DYNC1I1: variants seen among roughly 807,000 people sequenced by gnomAD.
DYNC1I1 encodes cytoplasmic dynein 1 intermediate chain 1.
Under a neutral mutation model 86.6 loss-of-function variants are expected in DYNC1I1, and 43 were observed. The observed-to-expected ratio is 0.50, with a 90% CI of 0.39 to 0.64. DYNC1I1 has a LOEUF of 0.64. DYNC1I1 is among the 30% of genes least tolerant of loss of function. DYNC1I1 has a pLI of 0.00. For synonymous variants in DYNC1I1, 262 were observed against 283.7 expected, an observed-to-expected ratio of 0.92 and a Z score of 0.77; for missense variants, 604 against 788.8, an observed-to-expected ratio of 0.77 and a Z score of 2.81.
chr7:95,816,627 G>A (rs1308218223), intron 4 of DYNC1I1, among the ~76,000 whole-genome samples: 3 of 141,400 alleles, frequency 2.1e-5, no homozygotes, highest in Non-Finnish European at 4.5e-5. Flanking sequence ...TAGTTTGAAG[G>A]GTTAGTTTTA....
chr7:96,007,756 T>C (rs942891317), intron 10 of DYNC1I1, among the ~76,000 whole-genome samples: 1 of 152,220 alleles, frequency 6.6e-6, no homozygotes, highest in Admixed American at 6.5e-5. Flanking sequence ...TACTGCCTAG[T>C]TCACACATAT....
At chr7:96,102,389 T>A (rs1791149139), downstream of DYNC1I1, among the ~76,000 whole-genome samples, 1 of 151,666 alleles carries the variant, frequency 6.6e-6, no homozygotes, top group South Asian at 2.1e-4. Context: ...CTCCAGAGGG[T>A]GGGAAATAAA....
intron 6 of DYNC1I1, among the ~76,000 whole-genome samples, chr7:95,902,319 C>A (rs1488810528): frequency 8.5e-5 from 13 of 152,056 alleles, no homozygotes; most frequent in South Asian, 8.3e-4. Context: ...GTCTAGGGAT[C>A]CATTTAGTTG....
chr7:95,955,498 T>G (rs1792687190), intron 6 of DYNC1I1, among the ~76,000 whole-genome samples: 1 of 152,038 alleles, frequency 6.6e-6, no homozygotes, highest in South Asian at 2.1e-4. Flanking sequence ...TTATTTTATT[T>G]ATTATTTTTA....
chr7:96,064,122 C>T (rs1789879166), intron 14 of DYNC1I1, among the ~76,000 whole-genome samples: 2 of 151,938 alleles, frequency 1.3e-5, no homozygotes, highest in Admixed American at 1.3e-4. Context: ...TGGATTCAGG[C>T]TTCTTTAGAG....
chr7:95,788,542 C>A (rs961329546), intron 1 of DYNC1I1, among the ~76,000 whole-genome samples: 5 of 152,158 alleles, frequency 3.3e-5, no homozygotes, highest in African/African-American at 1.2e-4. Context: ...AGGTGACTCT[C>A]CTACCAGACA....
chr7:95,848,214 T>TG (rs1377851876), intron 5 of DYNC1I1, among the ~76,000 whole-genome samples: 2 of 151,886 alleles, frequency 1.3e-5, no homozygotes, highest in East Asian at 3.9e-4. Flanking sequence ...AGTTGTTTTT[T>TG]TTTTTTTTTT....
chr7:95,854,313 GT>G (rs1789659386), intron 5 of DYNC1I1, among the ~76,000 whole-genome samples: 1 of 151,872 alleles, frequency 6.6e-6, no homozygotes, highest in South Asian at 2.1e-4. Context: ...TCTACTATAG[GT>G]TTTTGCTTTG....
chr7:95,931,070 G>A (rs1422582755), intron 6 of DYNC1I1, among the ~76,000 whole-genome samples: 1 of 152,086 alleles, frequency 6.6e-6, no homozygotes, highest in Admixed American at 6.5e-5. Context: ...AATGTCAGGT[G>A]AAATATTTTC....
At chr7:96,060,605 T>A (rs1789735385) in intron 14 of DYNC1I1, among the ~76,000 whole-genome samples, 1 of 152,156 alleles carries the variant, frequency 6.6e-6, no homozygotes, top group Non-Finnish European at 1.5e-5. Flanking sequence ...ATACCAAGTG[T>A]GAACCCTGAT....
At chr7:95,973,643 A>T (rs934277127) in intron 6 of DYNC1I1, among the ~76,000 whole-genome samples, 1 of 152,208 alleles carries the variant, frequency 6.6e-6, no homozygotes, top group Non-Finnish European at 1.5e-5. Context: ...TAGACATTGT[A>T]TCACAAACCT....
chr7:96,055,760 C>A (rs1409238272), intron 14 of DYNC1I1: 1 of 151,986 alleles, frequency 6.6e-6, no homozygotes, highest in Non-Finnish European at 1.5e-5. Flanking sequence ...TCTTCTTTTT[C>A]TTTCCAGAGT....
At chr7:95,934,684 C>T (rs1221704211) in intron 6 of DYNC1I1, among the ~76,000 whole-genome samples, 1 of 152,104 alleles carries the variant, frequency 6.6e-6, no homozygotes, top group Non-Finnish European at 1.5e-5. Flanking sequence ...AATATCATCA[C>T]ATGTATTATC....
intron 6 of DYNC1I1, among the ~76,000 whole-genome samples, chr7:95,906,492 A>G (rs2116326214): frequency 6.6e-6 from 1 of 151,708 alleles, no homozygotes; most frequent in East Asian, 2.0e-4. Context: ...GAGGGTCTTT[A>G]AAACACCACC....
At chr7:96,053,934 A>G (rs1789485503) in intron 14 of DYNC1I1, among the ~76,000 whole-genome samples, 1 of 152,244 alleles carries the variant, frequency 6.6e-6, no homozygotes, top group East Asian at 1.9e-4. Context: ...AAGAATAGAT[A>G]TAATAAGAAT....
chr7:95,986,572 G>C (rs1355307053), intron 8 of DYNC1I1, among the ~76,000 whole-genome samples: 2 of 152,142 alleles, frequency 1.3e-5, no homozygotes, highest in African/African-American at 4.8e-5. Flanking sequence ...ACTTACTATT[G>C]AGTGAGGAGG....
At chr7:95,816,344 C>T (rs796376696) in intron 4 of DYNC1I1, among the ~76,000 whole-genome samples, 21 of 152,222 alleles carry the variant, frequency 1.4e-4, no homozygotes, top group African/African-American at 5.1e-4. Flanking sequence ...TTTTTAAGAG[C>T]AGTTGAGAAA....
chr7:95,882,859 G>A (rs1322012627), intron 6 of DYNC1I1, among the ~76,000 whole-genome samples: 1 of 152,178 alleles, frequency 6.6e-6, no homozygotes, highest in African/African-American at 2.4e-5. Context: ...GTAAGAAAAT[G>A]AAAGGTTTGC....
At chr7:95,967,205 G>A (rs1793038107) in intron 6 of DYNC1I1, among the ~76,000 whole-genome samples, 1 of 152,166 alleles carries the variant, frequency 6.6e-6, no homozygotes. Context: ...CATAGCTAGA[G>A]AATGATAAAT....
Sources: gnomAD v4.1 joint callset for allele counts (sites outside exome capture counted in the v4.1 genomes callset) on GRCh38, gnomAD v4.1.1 for gene constraint, MANE v1.5 for transcripts, NCBI Gene and HGNC (gene_info 2026-07-23, HGNC 2026-07-21) for gene names.